The following NRG1 variants were observed in gnomAD, a reference collection of about 807,000 sequenced individuals.
NRG1 encodes the protein neuregulin 1.
Under a neutral mutation model 63.8 loss-of-function variants are expected in NRG1, and 18 were observed. The observed-to-expected ratio is 0.28, with a 90% CI of 0.19 to 0.42. The LOEUF is 0.42. NRG1 is among the 10% of genes least tolerant of loss of function. The probability of loss-of-function intolerance (pLI) is 1.00; values close to 1 mark genes in which losing one functional copy is unlikely to be tolerated. For synonymous variants in NRG1, 302 were observed against 301.3 expected, an observed-to-expected ratio of 1.00 and a Z score of -0.02; for missense variants, 762 against 814.7, an observed-to-expected ratio of 0.94 and a Z score of 0.79.
intron 1 of NRG1, among the ~76,000 whole-genome samples, chr8:31,652,522 C>T (rs1009247314): frequency 6.6e-6 from 1 of 152,194 alleles, no homozygotes; most frequent in African/African-American, 2.4e-5. Flanking sequence ...TTTCTCCTAT[C>T]CAGAACCTTG....
chr8:31,801,798 A>G (rs751266289), intron 1 of NRG1, among the ~76,000 whole-genome samples: 1 of 152,244 alleles, frequency 6.6e-6, no homozygotes, highest in African/African-American at 2.4e-5. Flanking sequence ...ATATCAGACG[A>G]AAGTTCTTAT....
intron 7 of NRG1, among the ~76,000 whole-genome samples, chr8:32,753,550 T>C (rs16879920): frequency 0.16 from 24,422 of 152,178 alleles, 2,663 homozygotes; most frequent in African/African-American, 0.3. Flanking sequence ...TACTGGTGAC[T>C]TCTTTGGACA....
Position 32,548,821 on chromosome 8 carries a change from G to A in NRG1, c.95G>A (p.Ser32Asn), listed in dbSNP as rs750959316. The A allele has an allele frequency of 3.2e-6, 5 of 1,566,410 alleles. No individual in the cohort carries two copies. The African/African-American group carries it at 4.0e-5, about 13-fold the overall frequency. ...CCGGAGTCCGCGGCGGGCAGCCAGA[G>A]CCCAGGTGGGTGCGCAGCGCGGCCC... is the stretch of plus-strand genomic sequence containing the variant. The change falls in exon 1 of 12, where the codon AGC (serine) becomes AAC (asparagine). Residue 32 changes from serine (S) to asparagine (N), a missense_variant. Around this residue, in one of 3 missense-constraint regions of NRG1, gnomAD observed 137 missense variants for 117.7 expected, o/e 1.16. Coordinates refer to ENST00000356819, the Ensembl canonical transcript of NRG1.
At chr8:32,020,710 A>T (rs1816292792) in intron 1 of NRG1, among the ~76,000 whole-genome samples, 1 of 152,206 alleles carries the variant, frequency 6.6e-6, no homozygotes, top group South Asian at 2.1e-4. Context: ...ATAATTTATA[A>T]CAAATATTTC....
At chr8:31,666,930 C>A (rs4637774) in intron 1 of NRG1, among the ~76,000 whole-genome samples, 2 of 152,228 alleles carry the variant, frequency 1.3e-5, no homozygotes, top group South Asian at 4.1e-4. Context: ...TCTAAGCTGT[C>A]AACATGTTAA....
At chr8:31,803,247 T>C (rs1821961891) in intron 1 of NRG1, among the ~76,000 whole-genome samples, 1 of 152,216 alleles carries the variant, frequency 6.6e-6, no homozygotes, top group African/African-American at 2.4e-5. Flanking sequence ...CCTGCAGTTA[T>C]AATCTTTCCA....
intron 1 of NRG1, among the ~76,000 whole-genome samples, chr8:31,908,561 T>A (rs934786952): frequency 2.0e-5 from 3 of 152,182 alleles, no homozygotes; most frequent in Non-Finnish European, 4.4e-5. Flanking sequence ...CCTCCAAAAT[T>A]TTCCTTATGT....
chr8:31,647,372 T>C (rs1415685784), intron 1 of NRG1, among the ~76,000 whole-genome samples: 1 of 152,230 alleles, frequency 6.6e-6, no homozygotes, highest in Non-Finnish European at 1.5e-5. Context: ...ATTTGGGCTC[T>C]GATGAATAAT....
At chr8:32,415,262 G>A (rs1002196919) in intron 1 of NRG1, among the ~76,000 whole-genome samples, 6 of 151,564 alleles carry the variant, frequency 4.0e-5, no homozygotes, top group African/African-American at 1.5e-4. Flanking sequence ...ACAAAAATTA[G>A]CCAGGTGTGG....
intron 1 of NRG1, among the ~76,000 whole-genome samples, chr8:31,982,028 G>C (rs1274999473): frequency 6.6e-6 from 1 of 151,906 alleles, no homozygotes; most frequent in African/African-American, 2.4e-5. Context: ...ATGGGCAGGA[G>C]CACAGAGATT....
chr8:32,625,508 C>T (rs534636617), intron 5 of NRG1, among the ~76,000 whole-genome samples: 10 of 152,262 alleles, frequency 6.6e-5, no homozygotes, highest in South Asian at 2.1e-4. Flanking sequence ...AAGGAGAGAG[C>T]GAGAGAGAGA....
chr8:32,301,284 C>T (rs529697207), intron 1 of NRG1, among the ~76,000 whole-genome samples: 8 of 152,234 alleles, frequency 5.3e-5, no homozygotes, highest in African/African-American at 1.9e-4. Flanking sequence ...TACAGTATCC[C>T]ACAGTTCCAC....
intron 1 of NRG1, among the ~76,000 whole-genome samples, chr8:32,432,970 G>C (rs1353567870): frequency 6.6e-6 from 1 of 152,154 alleles, no homozygotes; most frequent in Non-Finnish European, 1.5e-5. Flanking sequence ...TTTGATGACT[G>C]TGTATTTGTC....
chr8:32,199,051 A>T (rs904613834), intron 1 of NRG1, among the ~76,000 whole-genome samples: 1 of 152,036 alleles, frequency 6.6e-6, no homozygotes, highest in African/African-American at 2.4e-5. Context: ...CGCTCTGCTT[A>T]TTTTGAACAA....
At chr8:32,587,522 G>C (rs1321387025) in intron 1 of NRG1, among the ~76,000 whole-genome samples, 1 of 152,186 alleles carries the variant, frequency 6.6e-6, no homozygotes, top group African/African-American at 2.4e-5. Context: ...TCCTAGCCCA[G>C]TGGCATGCAG....
intron 1 of NRG1, among the ~76,000 whole-genome samples, chr8:31,788,505 A>T (rs1321562361): frequency 6.6e-6 from 1 of 152,150 alleles, no homozygotes; most frequent in South Asian, 2.1e-4. Context: ...CATGGAAGCA[A>T]AGAACAGTAC....
intron 1 of NRG1, among the ~76,000 whole-genome samples, chr8:32,551,858 T>A (rs1054223538): frequency 6.6e-6 from 1 of 151,556 alleles, no homozygotes; most frequent in Non-Finnish European, 1.5e-5. Context: ...CTCTTCATAC[T>A]GATTCAGCTC....
At chr8:31,912,770 T>C (rs889572202) in intron 1 of NRG1, among the ~76,000 whole-genome samples, 4 of 152,100 alleles carry the variant, frequency 2.6e-5, no homozygotes, top group African/African-American at 9.7e-5. Context: ...TCTGTGAAAC[T>C]GAAAAGCTTG....
At chr8:31,751,112 T>C (rs756380560) in intron 1 of NRG1, among the ~76,000 whole-genome samples, 7 of 151,978 alleles carry the variant, frequency 4.6e-5, no homozygotes, top group Admixed American at 1.3e-4. Context: ...TACACAATCA[T>C]AGGAGGTGGG....
Sources: allele counts gnomAD v4.1 joint callset (sites outside exome capture counted in the v4.1 genomes callset), GRCh38; gene constraint gnomAD v4.1.1; regional missense constraint gnomAD v4.1.1; transcripts MANE v1.5; gene names NCBI Gene and HGNC (gene_info 2026-07-23, HGNC 2026-07-21).